The following ADGB variants were observed in gnomAD, a reference collection of about 807,000 sequenced individuals.
The protein encoded by ADGB is calpain-7-like protein.
A neutral mutation model predicts 210.5 loss-of-function variants in ADGB; 172 were observed. The observed-to-expected ratio is 0.82, with a 90% CI of 0.72 to 0.93. ADGB has a LOEUF of 0.93. Ranked by LOEUF, ADGB falls within the 40% of genes least tolerant of loss-of-function variation. The pLI is 0.00. For missense variants in ADGB, 2,025 were observed against 1,964.8 expected (o/e 1.03, Z -0.58); for synonymous variants, 658 against 662.7 (o/e 0.99, Z 0.11).
intron 35 of ADGB, among the ~76,000 whole-genome samples, chr6:146,808,886 G>A (rs557267461): frequency 1.2e-4 from 18 of 151,684 alleles, no homozygotes; most frequent in African/African-American, 2.2e-4. Context: ...AAAGTCCAGC[G>A]GAGTCAAAGG....
chr6:146,702,927 A>C (rs1374453705), intron 13 of ADGB, among the ~76,000 whole-genome samples: 3 of 151,948 alleles, frequency 2.0e-5, no homozygotes, highest in African/African-American at 7.2e-5. Context: ...GGTTGTATGA[A>C]TATTTCCTTA....
intron 35 of ADGB, chr6:146,802,752 G>T: frequency 6.4e-7 from 1 of 1,562,622 alleles, no homozygotes; most frequent in Non-Finnish European, 8.8e-7. Flanking sequence ...CACAGTTCAG[G>T]GATGTTTTGA....
At chr6:146,671,568 G>A (rs1477506800) in intron 7 of ADGB, among the ~76,000 whole-genome samples, 2 of 152,116 alleles carry the variant, frequency 1.3e-5, no homozygotes, top group Admixed American at 6.6e-5. Context: ...GATATCAGGA[G>A]AGAGGTTTGA....
At chr6:146,814,480 A>T (rs1450572527) in intron 35 of ADGB, among the ~76,000 whole-genome samples, 1 of 152,204 alleles carries the variant, frequency 6.6e-6, no homozygotes, top group Non-Finnish European at 1.5e-5. Flanking sequence ...AAGCAAGAAT[A>T]AGAACAACAA....
intron 35 of ADGB, among the ~76,000 whole-genome samples, chr6:146,813,083 C>T (rs926306425): frequency 1.3e-5 from 2 of 152,092 alleles, no homozygotes; most frequent in African/African-American, 4.8e-5. Flanking sequence ...CGCAGAAAAT[C>T]CTGCTTTATG....
intron 33 of ADGB, among the ~76,000 whole-genome samples, chr6:146,794,652 G>A (rs1778013514): frequency 6.6e-6 from 1 of 151,958 alleles, no homozygotes. Context: ...GGTGGGACCT[G>A]GGGAATAGGA....
At chr6:146,805,933 C>G (rs1296766578) in intron 35 of ADGB, among the ~76,000 whole-genome samples, 2 of 152,186 alleles carry the variant, frequency 1.3e-5, no homozygotes, top group African/African-American at 4.8e-5. Context: ...TTCTCTGCTA[C>G]AATAAAGACT....
chr6:146,806,637 C>A (rs1778216119), intron 35 of ADGB, among the ~76,000 whole-genome samples: 1 of 152,172 alleles, frequency 6.6e-6, no homozygotes, highest in African/African-American at 2.4e-5. Flanking sequence ...ACAAAGCAGC[C>A]ATTTCTAGAA....
At chr6:146,614,020 A>G (rs1346295961) in intron 1 of ADGB, among the ~76,000 whole-genome samples, 2 of 152,142 alleles carry the variant, frequency 1.3e-5, no homozygotes, top group Non-Finnish European at 2.9e-5. Context: ...TGTAGACAAA[A>G]CAAACTTTAT....
intron 1 of ADGB, among the ~76,000 whole-genome samples, chr6:146,618,730 G>A (rs1300008345): frequency 6.6e-6 from 1 of 151,946 alleles, no homozygotes; most frequent in African/African-American, 2.4e-5. Flanking sequence ...ATATGATTTT[G>A]ATTTTTTAAA....
At chr6:146,683,773 A>G (rs1776188367) in intron 9 of ADGB, among the ~76,000 whole-genome samples, 1 of 152,098 alleles carries the variant, frequency 6.6e-6, no homozygotes, top group African/African-American at 2.4e-5. Flanking sequence ...TACTTGTATC[A>G]CAAACTTTAT....
At chr6:146,736,677 G>T (rs778316791) in intron 23 of ADGB, 86 bp downstream of exon 23, 3 of 804,144 alleles carry the variant, frequency 3.7e-6, no homozygotes, top group Non-Finnish European at 3.8e-6. Flanking sequence ...TGTTGAGAGC[G>T]CCCCAGTCAC....
chr6:146,698,504 G>A (rs1309011701), intron 12 of ADGB, among the ~76,000 whole-genome samples: 4 of 152,060 alleles, frequency 2.6e-5, no homozygotes, highest in Admixed American at 2.6e-4. Context: ...TAATACTAAA[G>A]ATATTCTTCA....
At chr6:146,603,666 TC>T (rs1199956856) in intron 1 of ADGB, among the ~76,000 whole-genome samples, 1 of 152,226 alleles carries the variant, frequency 6.6e-6, no homozygotes, top group Non-Finnish European at 1.5e-5. Flanking sequence ...TTCAAGTTAA[TC>T]TAACTTTTGA....
chr6:146,623,777 T>C lies in ADGB; in HGVS notation c.75-11598T>C, dbSNP rs538921012. 7.9e-5 allele frequency among the ~76,000 whole-genome samples: 12 copies of C among 152,048 alleles called. No homozygotes were observed. In the East Asian group the frequency reaches 2.3e-3, roughly 29 times the overall value. ...GAGTTGCCTTCTATTCCTTGTTTTT[T>C]GAGATCAGGATTGACTGCTGGAATT... is the stretch of plus-strand genomic sequence containing the variant. On this transcript the variant is annotated intron_variant, in intron 1 of 35. Coordinates refer to ENST00000397944, the MANE Select transcript of ADGB (RefSeq NM_024694.4).
chr6:146,794,380 C>G (rs1044458571), intron 33 of ADGB, among the ~76,000 whole-genome samples: 5 of 151,940 alleles, frequency 3.3e-5, no homozygotes, highest in Non-Finnish European at 5.9e-5. Context: ...CTGAGTGGCT[C>G]CCCGTGTTCT....
chr6:146,634,651 A>C (rs997561317), intron 1 of ADGB, among the ~76,000 whole-genome samples: 4 of 152,060 alleles, frequency 2.6e-5, no homozygotes, highest in African/African-American at 9.7e-5. Context: ...AAATAGTCAA[A>C]ATCTATCACA....
At chr6:146,628,384 C>A (rs1185620859) in intron 1 of ADGB, among the ~76,000 whole-genome samples, 2 of 151,782 alleles carry the variant, frequency 1.3e-5, no homozygotes, top group Non-Finnish European at 2.9e-5. Flanking sequence ...CTTCAGTGTT[C>A]CTCAAGCTTT....
chr6:146,644,785 G>T lies in ADGB; in HGVS notation c.250G>T (p.Asp84Tyr). The T allele has an allele frequency of 6.9e-7, 1 of 1,455,024 alleles. No homozygotes were observed. The allele number at this position is 1,455,024 out of a possible 1,614,324, so 90.1% of individuals were successfully genotyped here. ...TATTTTTATATAGCATTTTTTTGAG[G>T]ACCCTGAAGGAAAGATTGAGTTACC... is the stretch of plus-strand genomic sequence containing the variant. ...GKSPVFHFFE[D>Y]PEGKIELPPS... Residue 84 changes from aspartate to tyrosine, a missense_variant, in exon 3 of 36, where the codon GAC becomes TAC. Physicochemically the swap from Asp to Tyr is radical, Grantham distance 160. Coordinates refer to ENST00000397944, the MANE Select transcript of ADGB (RefSeq NM_024694.4).
Sources: gnomAD v4.1 joint callset for allele counts (sites outside exome capture counted in the v4.1 genomes callset) on GRCh38, gnomAD v4.1.1 for gene constraint, MANE v1.5 for transcripts, NCBI Gene and HGNC (gene_info 2026-07-23, HGNC 2026-07-21) for gene names.